Variants in GPR107 observed in about 807,000 individuals in gnomAD.
The protein encoded by GPR107 is G protein-coupled receptor 107.
A neutral mutation model predicts 75.5 loss-of-function variants in GPR107; 31 were observed. That is an observed-to-expected ratio of 0.41 (90% CI 0.31 to 0.55). GPR107 has a LOEUF of 0.55. Among genes scored for constraint, GPR107 ranks in the 20% least tolerant of loss-of-function variants. The pLI, the probability that GPR107 is intolerant of heterozygous loss-of-function variation, is 0.26. For synonymous variants in GPR107, 267 were observed against 251.3 expected, an observed-to-expected ratio of 1.06 and a Z score of -0.59; for missense variants, 572 against 665.7, an observed-to-expected ratio of 0.86 and a Z score of 1.55.
At chr9:130,133,962 C>T (rs1588089678) in intron 17 of GPR107, among the ~76,000 whole-genome samples, 1 of 152,182 alleles carries the variant, frequency 6.6e-6, no homozygotes, top group Non-Finnish European at 1.5e-5. Context: ...AGATGGGTCA[C>T]ATATACGGCC....
rs761173269 is a variant in GPR107, at chr9:130,101,092, G to A, written c.1014-14G>A. Reference sequence around the variant, plus strand: ...AGAGACCTGCTGGTGTCTGTTCCTTGTTTTCTCTTCCAGTTTGAAAGGGGC... The same window carrying A: ...AGAGACCTGCTGGTGTCTGTTCCTTATTTTCTCTTCCAGTTTGAAAGGGGC... On this transcript the variant is annotated splice_polypyrimidine_tract_variant and intron_variant, in intron 11 of 17. Transcript: ENST00000347136. The A allele has an allele frequency of 7.5e-6, 11 of 1,467,922 alleles. No homozygotes were observed. The East Asian group carries it at 1.8e-4, about 24-fold the overall frequency. The allele number at this position is 1,467,922 out of a possible 1,614,324, so 90.9% of individuals were successfully genotyped here.
intron 1 of GPR107, among the ~76,000 whole-genome samples, chr9:130,054,748 C>T (rs1270966113): frequency 2.0e-5 from 3 of 152,188 alleles, no homozygotes; most frequent in South Asian, 2.1e-4. Context: ...ACCTCTAAGG[C>T]TGAAACGCAC....
chr9:130,114,687 GT>G, intron 14 of GPR107: 2 of 1,044,398 alleles, frequency 1.9e-6, no homozygotes, highest in Non-Finnish European at 2.3e-6. Flanking sequence ...GACCCATCCT[GT>G]TTTACTTTCT....
chr9:130,122,654 C>T (rs1167040048), intron 14 of GPR107, among the ~76,000 whole-genome samples: 1 of 152,172 alleles, frequency 6.6e-6, no homozygotes, highest in African/African-American at 2.4e-5. Context: ...GCAGAGGCTG[C>T]AGCTGTCGTG....
In GPR107 at chr9:130,103,666, GTTA is replaced by G. The variant is rs1480334299; in HGVS notation, c.1132-751_1132-749del. 3.9e-5 allele frequency among the ~76,000 whole-genome samples: 6 copies of G among 152,330 alleles called. No individual in the cohort carries two copies. The East Asian group carries it at 1.2e-3, about 29-fold the overall frequency. ...GTTCCATTGTCTGGCACTTAGATGAGTTATTGTCACTGAGCACCATGGCCTGAA... is the reference window on the plus strand; with the variant it reads ...GTTCCATTGTCTGGCACTTAGATGAGTTGTCACTGAGCACCATGGCCTGAA... On this transcript the variant is annotated intron_variant, in intron 12 of 17. Coordinates refer to ENST00000347136, the MANE Select transcript of GPR107 (RefSeq NM_020960.5). This position sits in a 1 kb window ranked among gnomAD's most constrained non-coding sequence, Gnocchi z 4.3.
intron 1 of GPR107, among the ~76,000 whole-genome samples, chr9:130,061,762 G>A (rs1175277443): frequency 1.3e-5 from 2 of 152,012 alleles, no homozygotes; most frequent in Non-Finnish European, 2.9e-5. Context: ...TGGCCAACAT[G>A]GTGAAATACT....
intron 5 of GPR107, among the ~76,000 whole-genome samples, chr9:130,081,448 C>T (rs1330263556): frequency 1.3e-5 from 2 of 151,378 alleles, no homozygotes; most frequent in Admixed American, 6.6e-5. Context: ...CCGAGGTGGG[C>T]AGATCACAAG....
chr9:130,094,837 T>C (rs1486421761), intron 9 of GPR107, among the ~76,000 whole-genome samples: 2 of 152,140 alleles, frequency 1.3e-5, no homozygotes, highest in Non-Finnish European at 2.9e-5. Flanking sequence ...CCTGCCACCA[T>C]GCCTGGCGAA....
Position 130,135,037 on chromosome 9 carries a change from TG to T in GPR107, c.1579del (p.Val527Ter). Reference sequence around the variant, plus strand: ...TTTCCTTGTTCAGTGTGACAACATCTGGGGTGATGGAAAGTATGAAGAAAGT... The same window carrying T: ...TTTCCTTGTTCAGTGTGACAACATCTGGGTGATGGAAAGTATGAAGAAAGT... ...LEMESVVTTS[G>X]VMESMKKVKK... On this transcript the variant is annotated frameshift_variant, in exon 18 of 18. Transcript: ENST00000347136. LOFTEE classifies it high-confidence loss of function. 2 of 1,598,424 alleles carry T rather than the reference TG, an allele frequency of 1.3e-6. No individual in the cohort carries two copies. Among genetic ancestry groups the T allele is most frequent in the Non-Finnish European group, 1.7e-6 (2 of 1,166,270 alleles).
In GPR107 at chr9:130,086,473, T is replaced by G. The variant is rs1253496567; in HGVS notation, c.618T>G (p.Phe206Leu). 1 of 1,530,308 alleles carries G rather than the reference T, an allele frequency of 6.5e-7. No individual in the cohort carries two copies. Among genetic ancestry groups the G allele is most frequent in the South Asian group, 1.1e-5 (1 of 89,322 alleles). 94.8% of individuals were successfully genotyped at this position (1,530,308 alleles called of 1,614,324 possible). Reference sequence around the variant, plus strand: ...ATAATAATGGTGGGGCAGTGTCATTTCAGGTATGTATGCTCTTTGTGTAAA... The same window carrying G: ...ATAATAATGGTGGGGCAGTGTCATTGCAGGTATGTATGCTCTTTGTGTAAA... ...SVHNNGGAVS[F>L]QFFFNISTDD... Residue 206 changes from phenylalanine to leucine, a missense_variant, in exon 7 of 18, where the codon TTT becomes TTG. Transcript: ENST00000347136.
chr9:130,058,087 C>T (rs953109179), intron 1 of GPR107, among the ~76,000 whole-genome samples: 6 of 152,130 alleles, frequency 3.9e-5, no homozygotes, highest in Non-Finnish European at 4.4e-5. Flanking sequence ...CCTCGGCCTC[C>T]CAAAGTGCTG....
intron 17 of GPR107, 30 bp downstream of exon 17, chr9:130,128,791 C>A: frequency 6.2e-7 from 1 of 1,608,136 alleles, no homozygotes; most frequent in Non-Finnish European, 8.5e-7. Context: ...TCTTCCTTAG[C>A]CCTGACCCCT....
At chr9:130,059,771 T>C (rs1351652740) in intron 1 of GPR107, among the ~76,000 whole-genome samples, 1 of 149,594 alleles carries the variant, frequency 6.7e-6, no homozygotes, top group African/African-American at 2.5e-5. Flanking sequence ...TGGAGTTTGT[T>C]CTTGTTGCCC....
At chr9:130,083,122 G>A (rs594616) in intron 5 of GPR107, among the ~76,000 whole-genome samples, 1 of 152,050 alleles carries the variant, frequency 6.6e-6, no homozygotes. Context: ...GGGTTCGCCA[G>A]GTTGGCCAGG....
chr9:130,107,647 T>C, intron 14 of GPR107, 108 bp downstream of exon 14: 1 of 816,306 alleles, frequency 1.2e-6, no homozygotes, highest in Non-Finnish European at 2.2e-6. Flanking sequence ...GCTGTCTTCC[T>C]GGGAGGAGAG....
At position 130,101,233 on chromosome 9, in the gene GPR107, C is replaced by T. The variant is rs561873678; in HGVS notation, c.1131+10C>T. The T allele has an allele frequency of 6.0e-6, 8 of 1,341,636 alleles. No homozygotes were observed. The highest frequency in any genetic ancestry group is 1.2e-5 in the South Asian group (1 of 85,622). 83.1% of individuals were successfully genotyped at this position (1,341,636 alleles called of 1,614,324 possible). A position where few individuals can be genotyped will look rare whatever the true frequency, so the allele number is the denominator to read the frequency against. On this transcript the variant is annotated intron_variant, in intron 12 of 17. Coordinates refer to ENST00000347136, the MANE Select transcript of GPR107 (RefSeq NM_020960.5). ...TGTCATTCCACTCCAGGTAAAAGAA[C>T]CCTCATCCCATTTGTCACTTCCTTT...
At chr9:130,090,732 C>T (rs1367711787) in intron 7 of GPR107, 144 bp from the exon 8 acceptor site, 1 of 447,760 alleles carries the variant, frequency 2.2e-6, no homozygotes, top group Non-Finnish European at 3.9e-6. Flanking sequence ...CATTAATATT[C>T]ATAACTTATT....
At chr9:130,056,924 C>CAAAAAAAAAAAAAAAAAAAAA (rs11442007) in intron 1 of GPR107, among the ~76,000 whole-genome samples, 1 of 42,896 alleles carries the variant, frequency 2.3e-5, no homozygotes, top group African/African-American at 1.2e-4. Context: ...GACTCCTTCT[C>CAAAAAAAAAAAAAAAAAAAAA]AAAAAAAAAA....
At chr9:130,114,051 A>ATT (rs35152076) in intron 14 of GPR107, among the ~76,000 whole-genome samples, 3 of 81,198 alleles carry the variant, frequency 3.7e-5, no homozygotes, top group Admixed American at 1.4e-4. Context: ...TTTTTTTTTC[A>ATT]TTTTTTTTTT....
Sources: allele counts gnomAD v4.1 joint callset (sites outside exome capture counted in the v4.1 genomes callset), GRCh38; gene constraint gnomAD v4.1.1; non-coding constraint Gnocchi (gnomAD v3.1); transcripts MANE v1.5; gene names NCBI Gene and HGNC (gene_info 2026-07-23, HGNC 2026-07-21).